The following FBN2 variants were observed in gnomAD, a reference collection of about 807,000 sequenced individuals.
FBN2 encodes the protein fibrillin-2.
FBN2 carries 105 observed loss-of-function variants against 355.6 expected under a neutral mutation model. The ratio of observed to expected loss-of-function variants is 0.30; its 90% CI spans 0.25 to 0.35. The LOEUF is 0.35. Among genes scored for constraint, FBN2 ranks in the 10% least tolerant of loss-of-function variants. The pLI, the probability that FBN2 is intolerant of heterozygous loss-of-function variation, is 1.00. For synonymous variants in FBN2, 1,350 were observed against 1,301.2 expected (o/e 1.04, Z -0.81); for missense variants, 3,280 against 3,758.7 (o/e 0.87, Z 3.33).
At chr5:128,435,601 G>T (rs1218504304) in intron 7 of FBN2, among the ~76,000 whole-genome samples, 1 of 151,986 alleles carries the variant, frequency 6.6e-6, no homozygotes, top group Non-Finnish European at 1.5e-5. Context: ...AATTCATATG[G>T]GGTGCAGCAG....
Position 128,527,933 on chromosome 5 carries a change from C to T in FBN2, c.471G>A (p.Gly157=). The change falls in exon 4 of 65, where the codon GGG becomes GGA. Residue 157 remains glycine (G), a synonymous_variant. Transcript: ENST00000262464. ...ACTGGCAGTGGTCATCTGCACAGGTCCCACCATTCATGCATCTCACACTGC... is the reference window on the plus strand; with the variant it reads ...ACTGGCAGTGGTCATCTGCACAGGTTCCACCATTCATGCATCTCACACTGC... ...QQCSVRCMNG[G]TCADDHCQCQ... 6.2e-7 allele frequency: 1 copy of T among 1,612,630 alleles called. No homozygotes were observed. Among genetic ancestry groups the T allele is most frequent in the Middle Eastern group, 1.7e-4 (1 of 6,052 alleles).
At chr5:128,303,433 T>A (rs1749774979) in intron 45 of FBN2, among the ~76,000 whole-genome samples, 1 of 152,172 alleles carries the variant, frequency 6.6e-6, no homozygotes, top group Non-Finnish European at 1.5e-5. Flanking sequence ...CTGAAACAAT[T>A]TCTTTCATAA....
chr5:128,424,856 A>G (rs1753444829), intron 7 of FBN2, among the ~76,000 whole-genome samples: 1 of 152,172 alleles, frequency 6.6e-6, no homozygotes, highest in South Asian at 2.1e-4. Context: ...TAACATTATA[A>G]CAGTCTGAAA....
chr5:128,305,124 A>G, intron 44 of FBN2, 42 bp from the exon 45 acceptor site: 2 of 1,479,872 alleles, frequency 1.4e-6, no homozygotes, highest in Non-Finnish European at 1.9e-6. Flanking sequence ...TCTGATTTTT[A>G]TTAAGATTTC....
Position 128,421,910 on chromosome 5 carries a change from G to C in FBN2, c.953-13111C>G, listed in dbSNP as rs370110299. On this transcript the variant is annotated intron_variant, in intron 7 of 64. Transcript: ENST00000262464. The stretch of plus-strand genomic sequence containing the variant: ...TAATCAGCTGATCTTGAGATGCAGA[G>C]ATAATCCTAGATTATCTGGTCCTCT... Among the ~76,000 whole-genome samples the C allele has an allele frequency of 2.6e-5, 4 of 152,164 alleles. No homozygotes were observed. The South Asian group carries it at 8.3e-4, about 32-fold the overall frequency.
intron 5 of FBN2, among the ~76,000 whole-genome samples, chr5:128,510,332 T>C (rs1408141185): frequency 6.6e-6 from 1 of 152,244 alleles, no homozygotes; most frequent in East Asian, 1.9e-4. Flanking sequence ...AAAGCTCTCC[T>C]GGGCTGCATG....
At chr5:128,292,681 C>A (rs1357723333) in intron 48 of FBN2, among the ~76,000 whole-genome samples, 2 of 152,188 alleles carry the variant, frequency 1.3e-5, no homozygotes, top group Non-Finnish European at 2.9e-5. Context: ...TGAGTTCAAT[C>A]TTCTGAGCCA....
chr5:128,470,168 T>C (rs1201763543), intron 5 of FBN2, among the ~76,000 whole-genome samples: 2 of 152,120 alleles, frequency 1.3e-5, no homozygotes, highest in African/African-American at 4.8e-5. Context: ...AACAGGAGAT[T>C]GTACTCCCAC....
chr5:128,524,268 T>A (rs1468040778), intron 4 of FBN2, among the ~76,000 whole-genome samples: 1 of 152,162 alleles, frequency 6.6e-6, no homozygotes, highest in African/African-American at 2.4e-5. Context: ...TGTGTTTCAA[T>A]GTCACCTTCT....
chr5:128,390,269 TA>T (rs1282637245), intron 11 of FBN2, among the ~76,000 whole-genome samples: 2 of 152,256 alleles, frequency 1.3e-5, no homozygotes, highest in Non-Finnish European at 2.9e-5. Context: ...GGGGACTCTT[TA>T]TAGCAGCTGT....
At chr5:128,485,213 G>A (rs1755305919) in intron 5 of FBN2, among the ~76,000 whole-genome samples, 1 of 151,492 alleles carries the variant, frequency 6.6e-6, no homozygotes, top group African/African-American at 2.4e-5. Flanking sequence ...TGTAGAGACA[G>A]GGTCTTGCCA....
In FBN2 at chr5:128,393,418, T is replaced by A. The variant is rs781595219; in HGVS notation, c.1232-50A>T. ...AAGCACAGGTGAATGTCTTTCTGCA[T>A]AACAAAAGCCATTGGTACACTGTAC... On this transcript the variant is annotated intron_variant, in intron 9 of 64. Transcript: ENST00000262464. 1.8e-5 allele frequency: 27 copies of A among 1,515,140 alleles called. No homozygotes were observed. In the Admixed American group the frequency reaches 4.2e-4, roughly 24 times the overall value. The allele number at this position is 1,515,140 out of a possible 1,614,324, so 93.9% of individuals were successfully genotyped here.
chr5:128,421,402 G>A (rs545671287), intron 7 of FBN2, among the ~76,000 whole-genome samples: 1 of 152,264 alleles, frequency 6.6e-6, no homozygotes, highest in South Asian at 2.1e-4. Flanking sequence ...AAAATATCCT[G>A]AAAGTAAAAG....
intron 5 of FBN2, among the ~76,000 whole-genome samples, chr5:128,497,201 A>G (rs868509567): frequency 6.6e-6 from 1 of 152,190 alleles, no homozygotes. Flanking sequence ...AATGAAGGGC[A>G]GCCTGATGAC....
intron 11 of FBN2, among the ~76,000 whole-genome samples, chr5:128,379,541 G>A: frequency 6.6e-6 from 1 of 151,998 alleles, no homozygotes; most frequent in Admixed American, 6.6e-5. Context: ...GTGATTTGTT[G>A]CATAAAATGA....
intron 46 of FBN2, 66 bp downstream of exon 46, chr5:128,302,907 T>C (rs1361162891): frequency 4.2e-6 from 4 of 957,310 alleles, no homozygotes; most frequent in Non-Finnish European, 6.8e-6. Flanking sequence ...TTTAGTTTTG[T>C]TTTTTATTTC....
intron 21 of FBN2, among the ~76,000 whole-genome samples, chr5:128,350,407 T>C (rs1416781426): frequency 6.6e-6 from 1 of 152,018 alleles, no homozygotes; most frequent in South Asian, 2.1e-4. Context: ...AAAAATTAGC[T>C]GGGCATGGTG....
chr5:128,323,426 C>T (rs1310575920), intron 34 of FBN2, among the ~76,000 whole-genome samples: 2 of 152,106 alleles, frequency 1.3e-5, no homozygotes, highest in African/African-American at 2.4e-5. Flanking sequence ...TTTTGAGATA[C>T]ATTCCATCTA....
At chr5:128,520,801 C>A (rs13155917) in intron 4 of FBN2, among the ~76,000 whole-genome samples, 29,119 of 152,088 alleles carry the variant, frequency 0.19, 2,922 homozygotes, top group Non-Finnish European at 0.23. Flanking sequence ...ACAAGTACAG[C>A]TCCCTAGGAA....
Sources: allele counts gnomAD v4.1 joint callset (sites outside exome capture counted in the v4.1 genomes callset), GRCh38; gene constraint gnomAD v4.1.1; transcripts MANE v1.5; gene names NCBI Gene and HGNC (gene_info 2026-07-23, HGNC 2026-07-21).